DLC1: variants seen among roughly 807,000 people sequenced by gnomAD.
The protein encoded by DLC1 is rho GTPase-activating protein 7.
Under a neutral mutation model 140.3 loss-of-function variants are expected in DLC1, and 54 were observed. The observed-to-expected ratio is 0.38, with a 90% confidence interval of 0.31 to 0.48. DLC1 has a LOEUF of 0.48. Among genes scored for constraint, DLC1 ranks in the 20% least tolerant of loss-of-function variants. The probability of loss-of-function intolerance (pLI) is 0.96; values close to 1 mark genes in which losing one functional copy is unlikely to be tolerated. For missense variants in DLC1, 2,536 were observed against 1,907.0 expected (o/e 1.33, Z -6.14); for synonymous variants, 986 against 728.1 (o/e 1.35, Z -5.70).
At chr8:13,206,205 T>C (rs1470383756) in intron 5 of DLC1, among the ~76,000 whole-genome samples, 3 of 152,214 alleles carry the variant, frequency 2.0e-5, no homozygotes, top group Non-Finnish European at 4.4e-5. Context: ...TGAGGAAACA[T>C]GTTCATCTTG....
rs76643291 is a variant in DLC1, at chr8:13,250,300, T to A, written c.1348+54969A>T. Among the ~76,000 whole-genome samples the A allele has an allele frequency of 9.6e-4, 147 of 152,348 alleles. 2 individuals carry two copies. The East Asian group carries it at 0.024, about 25-fold the overall frequency. Reference sequence around the variant, plus strand: ...TTGTCCCCATCTGCTCCACTAAGCTTCTGCAAAGACCTTGGAGAGTTCCCT... The same window carrying A: ...TTGTCCCCATCTGCTCCACTAAGCTACTGCAAAGACCTTGGAGAGTTCCCT... On this transcript the variant is annotated intron_variant, in intron 5 of 17. Transcript: ENST00000276297.
intron 5 of DLC1, among the ~76,000 whole-genome samples, chr8:13,233,189 AGAG>A (rs1829127124): frequency 6.6e-6 from 1 of 150,772 alleles, no homozygotes; most frequent in Non-Finnish European, 1.5e-5. Context: ...TAGCTACTCA[AGAG>A]GCTGAGGCAC....
At chr8:13,369,728 C>A (rs1197322414) in intron 4 of DLC1, among the ~76,000 whole-genome samples, 3 of 151,984 alleles carry the variant, frequency 2.0e-5, no homozygotes, top group Admixed American at 6.6e-5. Context: ...CCTCTCTGGC[C>A]TGGAGGGTTA....
intron 1 of DLC1, among the ~76,000 whole-genome samples, chr8:13,589,632 C>G (rs1200982469): frequency 1.3e-5 from 2 of 149,046 alleles, no homozygotes; most frequent in South Asian, 2.1e-4. Flanking sequence ...TTACACATTT[C>G]TTATTTGGTG....
intron 5 of DLC1, among the ~76,000 whole-genome samples, chr8:13,205,932 A>T (rs1007338897): frequency 6.6e-6 from 1 of 152,158 alleles, no homozygotes; most frequent in African/African-American, 2.4e-5. Context: ...GATTTGACAA[A>T]ATTTCTGCCT....
At chr8:13,264,422 T>A (rs1014717847) in intron 5 of DLC1, among the ~76,000 whole-genome samples, 26 of 152,252 alleles carry the variant, frequency 1.7e-4, no homozygotes, top group African/African-American at 5.5e-4. Context: ...AAAATATAAT[T>A]CTGAGCAAAG....
Position 13,357,935 on chromosome 8 carries a change from G to C in DLC1, c.1314+35618C>G, listed in dbSNP as rs968613176. ...AAATATAAATTCTGCCTATGGTACA[G>C]ATTTTCAAAAATGCCTGTATATATG... On this transcript the variant is annotated intron_variant, in intron 4 of 17. Coordinates refer to ENST00000276297, the MANE Select transcript of DLC1 (RefSeq NM_182643.3). 1.5e-4 allele frequency among the ~76,000 whole-genome samples: 23 copies of C among 152,052 alleles called. 1 individual carries two copies. Among genetic ancestry groups the C allele is most frequent in the Non-Finnish European group, 5.9e-5 (4 of 68,012 alleles).
chr8:13,599,020 C>G (rs533610031), intron 1 of DLC1, among the ~76,000 whole-genome samples: 9 of 151,478 alleles, frequency 5.9e-5, no homozygotes, highest in Non-Finnish European at 1.3e-4. Context: ...AAACATTTAA[C>G]TAAGGTACCA....
chr8:13,326,625 C>T lies in DLC1; in HGVS notation c.1315-21323G>A, dbSNP rs760163265. On this transcript the variant is annotated intron_variant, in intron 4 of 17. Transcript: ENST00000276297. ...AATCAGGTATGTCTAAGTTGTAAAA[C>T]GGTAAACCTGGGACTCCTAGGTATT... Among the ~76,000 whole-genome samples the T allele has an allele frequency of 4.6e-5, 7 of 152,114 alleles. No individual in the cohort carries two copies. In the East Asian group the frequency reaches 1.2e-3, roughly 25 times the overall value.
At chr8:13,539,916 G>C (rs1419140636) in intron 1 of DLC1, among the ~76,000 whole-genome samples, 3 of 152,092 alleles carry the variant, frequency 2.0e-5, no homozygotes, top group Non-Finnish European at 4.4e-5. Flanking sequence ...AGCAATTCTA[G>C]AATAAGCTAC....
At chr8:13,145,148 A>G (rs1443747412) in intron 5 of DLC1, among the ~76,000 whole-genome samples, 1 of 152,216 alleles carries the variant, frequency 6.6e-6, no homozygotes, top group Non-Finnish European at 1.5e-5. Flanking sequence ...TAGTGAAAGT[A>G]GTACCTATTT....
intron 2 of DLC1, among the ~76,000 whole-genome samples, chr8:13,481,891 C>G (rs150663050): frequency 1.1e-3 from 162 of 152,228 alleles, no homozygotes; most frequent in African/African-American, 3.7e-3. Context: ...CACACACACA[C>G]GAAGAAGCCC....
chr8:13,546,407 C>A (rs550717081), intron 1 of DLC1, among the ~76,000 whole-genome samples: 1 of 151,988 alleles, frequency 6.6e-6, no homozygotes, highest in Non-Finnish European at 1.5e-5. Context: ...CTTTAAAAAG[C>A]CATAACAGGA....
At chr8:13,111,758 G>C (rs976857320) in intron 6 of DLC1, among the ~76,000 whole-genome samples, 1 of 152,056 alleles carries the variant, frequency 6.6e-6, no homozygotes, top group East Asian at 1.9e-4. Flanking sequence ...ACAATACCAG[G>C]AAGAGGAGTG....
At chr8:13,558,229 T>A (rs1302784262) in intron 1 of DLC1, 2 of 152,224 alleles carry the variant, frequency 1.3e-5, no homozygotes, top group African/African-American at 4.8e-5. Flanking sequence ...CTGTTTTACC[T>A]GAATATTACA....
Position 13,502,803 on chromosome 8 carries a change from T to G in DLC1, c.-125-2607A>C, listed in dbSNP as rs75253675. Among the ~76,000 whole-genome samples the G allele has an allele frequency of 6.4e-4, 97 of 152,338 alleles. 1 individual carries two copies. The East Asian group carries it at 0.017, about 27-fold the overall frequency. On this transcript the variant is annotated intron_variant, in intron 1 of 17. Transcript: ENST00000276297. Reference sequence around the variant, plus strand: ...CCTATTCATGCAGTTTCATTCAGAATGAGCTCAGTTGCTGAGGATTTGGAT... The same window carrying G: ...CCTATTCATGCAGTTTCATTCAGAAGGAGCTCAGTTGCTGAGGATTTGGAT...
rs1736151318 is a variant in DLC1 at position 13,500,180 on chromosome 8, TTC to T, written c.-111_-110del. The T allele has an allele frequency of 2.0e-6, 2 of 995,656 alleles. No individual in the cohort carries two copies. The highest frequency in any genetic ancestry group is 2.9e-6 in the Non-Finnish European group (2 of 684,222). 61.7% of individuals were successfully genotyped at this position (995,656 alleles called of 1,614,324 possible). On this transcript the variant is annotated 5_prime_UTR_variant, in exon 2 of 18. The change creates a premature stop within an existing upstream ORF in the 5' untranslated region. Transcript: ENST00000276297. ...ATCACCAATCAAAGAAGCGAATGAG[TTC>T]TGTCATTTCACCACCTATTAAAAAA...
At chr8:13,198,083 T>TA (rs1827169559) in intron 5 of DLC1, among the ~76,000 whole-genome samples, 1 of 148,090 alleles carries the variant, frequency 6.8e-6, no homozygotes, top group Admixed American at 6.7e-5. Context: ...AAACCCTGTC[T>TA]CAAAAAAAAC....
chr8:13,306,844 G>C (rs1277402787), intron 4 of DLC1, among the ~76,000 whole-genome samples: 2 of 151,940 alleles, frequency 1.3e-5, no homozygotes, highest in Non-Finnish European at 2.9e-5. Flanking sequence ...AGCACTTTGG[G>C]AGGCCGAGGC....
Sources: allele counts gnomAD v4.1 joint callset (sites outside exome capture counted in the v4.1 genomes callset), GRCh38; gene constraint gnomAD v4.1.1; transcripts MANE v1.5; gene names NCBI Gene and HGNC (gene_info 2026-07-23, HGNC 2026-07-21).